Variants in SEMA5B observed in about 807,000 individuals in gnomAD.
SEMA5B encodes semaphorin-5B.
SEMA5B carries 66 observed loss-of-function variants against 135.0 expected under a neutral mutation model. That is an observed-to-expected ratio of 0.49 (90% CI 0.40 to 0.60). The LOEUF (loss-of-function observed/expected upper bound fraction) is 0.60. SEMA5B is among the 20% of genes least tolerant of loss of function. SEMA5B has a pLI of 0.00. For synonymous variants in SEMA5B, 690 were observed against 639.5 expected (o/e 1.08, Z -1.19); for missense variants, 1,501 against 1,566.3 (o/e 0.96, Z 0.70).
chr3:122,940,644 C>A (rs1324340723), intron 4 of SEMA5B, among the ~76,000 whole-genome samples: 2 of 152,218 alleles, frequency 1.3e-5, no homozygotes, highest in Non-Finnish European at 2.9e-5. Flanking sequence ...AGGGCCCCTG[C>A]TGAAGGAATC....
chr3:123,025,399 A>T (rs1219457102), intron 1 of SEMA5B, among the ~76,000 whole-genome samples: 1 of 152,198 alleles, frequency 6.6e-6, no homozygotes, highest in Non-Finnish European at 1.5e-5. Context: ...TCTCAGGATC[A>T]AACTGGTGAA....
At chr3:122,935,693 T>A (rs1228617223) in intron 5 of SEMA5B, among the ~76,000 whole-genome samples, 2 of 108,644 alleles carry the variant, frequency 1.8e-5, no homozygotes, top group African/African-American at 4.0e-5. Context: ...TTTCTTTTTT[T>A]TTTTTTTTTT....
intron 6 of SEMA5B, 82 bp from the exon 7 acceptor site, chr3:122,928,697 G>T: frequency 9.6e-7 from 1 of 1,044,156 alleles, no homozygotes; most frequent in Non-Finnish European, 1.4e-6. Flanking sequence ...ACTGCGTCAT[G>T]GATGCCAACA....
At chr3:122,964,026 C>G (rs1940707632) in intron 1 of SEMA5B, among the ~76,000 whole-genome samples, 4 of 152,194 alleles carry the variant, frequency 2.6e-5, no homozygotes, top group Admixed American at 2.6e-4. Context: ...GCCAGCCCTT[C>G]TCTTCCGGAC....
At chr3:122,947,527 C>T (rs1255498399) in intron 3 of SEMA5B, among the ~76,000 whole-genome samples, 2 of 152,206 alleles carry the variant, frequency 1.3e-5, no homozygotes, top group Non-Finnish European at 2.9e-5. Context: ...GTATGGGCCA[C>T]CAGAGCATAG....
intron 4 of SEMA5B, among the ~76,000 whole-genome samples, chr3:122,942,184 C>T (rs941606407): frequency 6.6e-6 from 1 of 151,974 alleles, no homozygotes; most frequent in Non-Finnish European, 1.5e-5. Context: ...TCACAGCAGC[C>T]CTGTGAGACT....
rs1937599744 is a variant in SEMA5B, at chr3:122,909,381, T to TCTCCATA, written c.*755_*761dup. 2.0e-5 allele frequency: 3 copies of TCTCCATA among 152,642 alleles called. No homozygotes were observed. Among genetic ancestry groups the TCTCCATA allele is most frequent in the Non-Finnish European group, 4.4e-5 (3 of 68,082 alleles). The allele number at this position is 152,642 out of a possible 1,614,324, so 9.5% of individuals were successfully genotyped here. On this transcript the variant is annotated 3_prime_UTR_variant, in exon 23 of 23. Coordinates refer to ENST00000357599, the MANE Select transcript of SEMA5B (RefSeq NM_001031702.4). ...CTGTTGAGCAGCAACTGGAAGATAG[T>TCTCCATA]CTCCATAGAGGCACAGAGGCCAGAC...
Position 122,928,550 on chromosome 3 carries a change from G to A in SEMA5B, c.603C>T (p.Thr201=). 1 of 1,565,922 alleles carries A rather than the reference G, an allele frequency of 6.4e-7. No homozygotes were observed. The highest frequency in any genetic ancestry group is 8.7e-7 in the Non-Finnish European group (1 of 1,154,732). The stretch of plus-strand genomic sequence containing the variant: ...TGGTGCACATGGGGGAAAAGGCATT[G>A]GTTCCACACATGAACACCTTCCGGC... ...VAGRKVFMCG[T]NAFSPMCTSR... The change falls in exon 7 of 23, where the codon ACC becomes ACT. Residue 201 remains threonine, a synonymous_variant. Coordinates refer to ENST00000357599, the MANE Select transcript of SEMA5B (RefSeq NM_001031702.4).
chr3:123,003,183 C>A (rs541595002), intron 1 of SEMA5B, among the ~76,000 whole-genome samples: 1 of 152,268 alleles, frequency 6.6e-6, no homozygotes, highest in East Asian at 1.9e-4. Context: ...AGTCACTACC[C>A]ACCTGGAAAT....
chr3:122,941,833 CT>C (rs1939576819), intron 4 of SEMA5B, among the ~76,000 whole-genome samples: 1 of 152,194 alleles, frequency 6.6e-6, no homozygotes, highest in African/African-American at 2.4e-5. Context: ...AGATGTTAGC[CT>C]TGGGGGAAAC....
intron 1 of SEMA5B, among the ~76,000 whole-genome samples, chr3:123,011,011 C>A (rs556839059): frequency 6.6e-6 from 1 of 152,046 alleles, no homozygotes; most frequent in Non-Finnish European, 1.5e-5. Flanking sequence ...GCAGACAGCC[C>A]GTCCTGGGAG....
intron 1 of SEMA5B, among the ~76,000 whole-genome samples, chr3:122,993,782 G>A (rs190410455): frequency 2.9e-3 from 297 of 104,148 alleles, no homozygotes; most frequent in African/African-American, 0.011. Flanking sequence ...CACCCCTCCC[G>A]CTCCTGCCTC....
chr3:123,026,581 G>A (rs946758490), intron 1 of SEMA5B, among the ~76,000 whole-genome samples: 10 of 152,052 alleles, frequency 6.6e-5, no homozygotes, highest in Admixed American at 3.9e-4. Context: ...TTCCTCCGCC[G>A]GTCCGGCGAC....
intron 1 of SEMA5B, among the ~76,000 whole-genome samples, chr3:122,989,484 C>T (rs1941806631): frequency 6.6e-6 from 1 of 152,222 alleles, no homozygotes; most frequent in African/African-American, 2.4e-5. Flanking sequence ...CGTGCCTGGT[C>T]TCATGGACAT....
chr3:122,991,355 G>T (rs1209574443), intron 1 of SEMA5B, among the ~76,000 whole-genome samples: 1 of 152,200 alleles, frequency 6.6e-6, no homozygotes, highest in Admixed American at 6.5e-5. Context: ...CCAAGGAGAA[G>T]ATGTAGCAGC....
In SEMA5B at chr3:123,009,139, A is replaced by G. The variant is rs1942381200; in HGVS notation, c.-39+18325T>C. Among the ~76,000 whole-genome samples the G allele has an allele frequency of 2.6e-5, 4 of 152,256 alleles. No homozygotes were observed. The South Asian group carries it at 6.2e-4, about 24-fold the overall frequency. ...AGCGGCTGGCAGGAAATCAAGGCTC[A>G]GTGTTTCAGCCTGAGATGAAAGGGA... On this transcript the variant is annotated intron_variant, in intron 1 of 22. Transcript: ENST00000357599.
chr3:122,941,519 AATGATTTACTGCAGGC>A (rs769018267), intron 4 of SEMA5B, among the ~76,000 whole-genome samples: 2 of 152,356 alleles, frequency 1.3e-5, no homozygotes, highest in Non-Finnish European at 2.9e-5. Flanking sequence ...GTGAAGATTC[AATGATTTACTGCAGGC>A]ATGATTTACT....
intron 1 of SEMA5B, among the ~76,000 whole-genome samples, chr3:122,964,514 C>T (rs745900944): frequency 4.6e-5 from 7 of 152,224 alleles, no homozygotes; most frequent in Non-Finnish European, 8.8e-5. Context: ...TAAATGCTTG[C>T]AACCACTTGC....
chr3:123,028,128 G>A (rs1942851065), upstream of SEMA5B, among the ~76,000 whole-genome samples: 1 of 152,136 alleles, frequency 6.6e-6, no homozygotes, highest in Admixed American at 6.5e-5. Flanking sequence ...ATCCCCGAGG[G>A]CCATCGGCGC....
Sources: gnomAD v4.1 joint callset for allele counts (sites outside exome capture counted in the v4.1 genomes callset) on GRCh38, gnomAD v4.1.1 for gene constraint, MANE v1.5 for transcripts, NCBI Gene and HGNC (gene_info 2026-07-23, HGNC 2026-07-21) for gene names.